The following WDPCP variants were observed in gnomAD, a reference collection of about 807,000 sequenced individuals.
WDPCP encodes WD repeat-containing and planar cell polarity effector protein fritz homolog.
WDPCP carries 71 observed loss-of-function variants against 93.1 expected under a neutral mutation model. The ratio of observed to expected loss-of-function variants is 0.76; its 90% CI spans 0.63 to 0.93. WDPCP has a LOEUF of 0.93. Among genes scored for constraint, WDPCP ranks in the 40% least tolerant of loss-of-function variants. The probability of loss-of-function intolerance (pLI) is 0.00; values close to 1 mark genes in which losing one functional copy is unlikely to be tolerated. For missense variants in WDPCP, 844 were observed against 887.4 expected (o/e 0.95, Z 0.62); for synonymous variants, 315 against 315.0 (o/e 1.00, Z 0.00).
At chr2:63,377,522 TTTTAATAA>T (rs1260952555) in intron 12 of WDPCP, among the ~76,000 whole-genome samples, 1 of 150,998 alleles carries the variant, frequency 6.6e-6, no homozygotes, top group African/African-American at 2.4e-5. Flanking sequence ...AATTTTTTAT[TTTTAATAA>T]TTTAATAATT....
At chr2:63,556,554 C>T in intron 1 of WDPCP, among the ~76,000 whole-genome samples, 1 of 152,192 alleles carries the variant, frequency 6.6e-6, no homozygotes, top group Non-Finnish European at 1.5e-5. Context: ...CCTTCTGAAG[C>T]CTATTTCTGT....
chr2:63,405,704 T>C (rs1008886191), intron 9 of WDPCP, among the ~76,000 whole-genome samples: 1 of 152,012 alleles, frequency 6.6e-6, no homozygotes, highest in Non-Finnish European at 1.5e-5. Flanking sequence ...AAGGAAAGGC[T>C]ATCTACCAAC....
intron 2 of WDPCP, among the ~76,000 whole-genome samples, chr2:63,809,349 C>T (rs1265891159): frequency 0.018 from 2,679 of 151,890 alleles, 52 homozygotes; most frequent in Admixed American, 0.071. Context: ...CGCCTCTGCC[C>T]AGCCGCCCCT....
At chr2:63,267,303 T>C (rs1363024908) in intron 13 of WDPCP, among the ~76,000 whole-genome samples, 1 of 152,118 alleles carries the variant, frequency 6.6e-6, no homozygotes, top group Non-Finnish European at 1.5e-5. Context: ...TGCAGAATAA[T>C]AAAATTGGAC....
At chr2:63,700,193 G>A (rs1043182729) in intron 2 of WDPCP, among the ~76,000 whole-genome samples, 2 of 143,820 alleles carry the variant, frequency 1.4e-5, no homozygotes, top group Admixed American at 1.5e-4. Context: ...GAAGTGGGAG[G>A]ATCACCTGAG....
At chr2:63,371,112 T>C (rs77317317) in intron 12 of WDPCP, among the ~76,000 whole-genome samples, 2,448 of 152,266 alleles carry the variant, frequency 0.016, 56 homozygotes, top group African/African-American at 0.053. Flanking sequence ...TCCTGGTCTT[T>C]TCCCACATAC....
At chr2:63,215,684 G>A (rs1345985498) in intron 14 of WDPCP, among the ~76,000 whole-genome samples, 2 of 152,126 alleles carry the variant, frequency 1.3e-5, no homozygotes, top group Non-Finnish European at 2.9e-5. Flanking sequence ...CAAAAGCAAT[G>A]GCAACTAAAG....
chr2:63,160,028 G>A (rs1274790696), intron 15 of WDPCP, among the ~76,000 whole-genome samples: 1 of 152,154 alleles, frequency 6.6e-6, no homozygotes, highest in Non-Finnish European at 1.5e-5. Flanking sequence ...GTGAACTAAA[G>A]GAAAACACAC....
chr2:63,310,185 A>G (rs1206845040), intron 13 of WDPCP, among the ~76,000 whole-genome samples: 1 of 152,188 alleles, frequency 6.6e-6, no homozygotes, highest in Non-Finnish European at 1.5e-5. Context: ...CTTAAAGCAC[A>G]CTAGGGATTT....
At chr2:63,363,670 A>G (rs1690665658) in intron 12 of WDPCP, among the ~76,000 whole-genome samples, 1 of 152,124 alleles carries the variant, frequency 6.6e-6, no homozygotes, top group Admixed American at 6.5e-5. Flanking sequence ...TTAACCTTCA[A>G]ATACGTATTT....
intron 14 of WDPCP, among the ~76,000 whole-genome samples, chr2:63,219,897 GAGAC>G (rs1677671528): frequency 2.0e-5 from 3 of 152,082 alleles, no homozygotes; most frequent in Non-Finnish European, 4.4e-5. Flanking sequence ...AGCTACTCGG[GAGAC>G]TGAGGCAGAA....
chr2:63,296,517 T>G (rs1684870416), intron 13 of WDPCP, among the ~76,000 whole-genome samples: 1 of 152,214 alleles, frequency 6.6e-6, no homozygotes, highest in Non-Finnish European at 1.5e-5. Flanking sequence ...CTCTATTCAC[T>G]GATTACATGA....
At chr2:63,643,199 T>A (rs1710002680) in intron 3 of WDPCP, 1 of 192,782 alleles carries the variant, frequency 5.2e-6, no homozygotes. Flanking sequence ...ATGAATGATC[T>A]TTTCTTCATG....
intron 12 of WDPCP, among the ~76,000 whole-genome samples, chr2:63,336,669 T>C (rs932271688): frequency 6.6e-6 from 1 of 152,154 alleles, no homozygotes; most frequent in African/African-American, 2.4e-5. Flanking sequence ...TGCCCTTGTA[T>C]TCCTGTGATA....
In WDPCP at chr2:63,763,947, T is replaced by C. The variant is rs550856968; in HGVS notation, n.308+49675A>G. Among the ~76,000 whole-genome samples, 5 of 151,664 alleles carry C rather than the reference T, an allele frequency of 3.3e-5. No homozygotes were observed. The South Asian group carries it at 1.0e-3, about 31-fold the overall frequency. ...ATGACTGACTAAAATTCCTGGACTT[T>C]TCCTGGACTTTTCTTGTGAGAGGAA... On this transcript the variant is annotated intron_variant and non_coding_transcript_variant, in intron 2 of 4. Transcript: ENST00000467687.
At chr2:63,663,933 A>G (rs937265904) in intron 2 of WDPCP, among the ~76,000 whole-genome samples, 5 of 152,096 alleles carry the variant, frequency 3.3e-5, no homozygotes, top group Admixed American at 6.6e-5. Context: ...TTTCCCTCAT[A>G]TATCAACAAC....
chr2:63,681,957 C>G (rs1013211977), intron 2 of WDPCP, among the ~76,000 whole-genome samples: 1 of 151,990 alleles, frequency 6.6e-6, no homozygotes, highest in African/African-American at 2.4e-5. Flanking sequence ...TTCCACAAGT[C>G]TGCATGAACC....
chr2:63,791,935 CGCTGCTTAAATCATTGCTATTTAGTT>C (rs1210607654), intron 2 of WDPCP, among the ~76,000 whole-genome samples: 1 of 152,030 alleles, frequency 6.6e-6, no homozygotes, highest in Non-Finnish European at 1.5e-5. Context: ...TGCATGTAAA[CGCTGCTTAAATCATTGCTATTTAGTT>C]ATTAGCAAAT....
At chr2:63,359,603 A>G in intron 12 of WDPCP, among the ~76,000 whole-genome samples, 1 of 152,178 alleles carries the variant, frequency 6.6e-6, no homozygotes, top group East Asian at 1.9e-4. Context: ...TTCCTATAGA[A>G]CTAACCATAC....
Sources: gnomAD v4.1 joint callset for allele counts (sites outside exome capture counted in the v4.1 genomes callset) on GRCh38, gnomAD v4.1.1 for gene constraint, MANE v1.5 for transcripts, NCBI Gene and HGNC (gene_info 2026-07-23, HGNC 2026-07-21) for gene names.